Variants in IL17RB observed in about 807,000 individuals in gnomAD.
IL17RB encodes interleukin 17 receptor B.
Under a neutral mutation model 43.9 loss-of-function variants are expected in IL17RB, and 36 were observed. The observed-to-expected ratio is 0.82, with a 90% confidence interval of 0.63 to 1.08. IL17RB has a LOEUF of 1.08. Ranked by LOEUF, IL17RB falls within the 50% of genes least tolerant of loss-of-function variation. The pLI is 0.00. For synonymous variants in IL17RB, 225 were observed against 225.4 expected, an observed-to-expected ratio of 1.00 and a Z score of 0.02; for missense variants, 613 against 613.6, an observed-to-expected ratio of 1.00 and a Z score of 0.01.
chr3:53,852,993 A>G lies in IL17RB; in HGVS notation c.477A>G (p.Ser159=). The G allele has an allele frequency of 6.2e-7, 1 of 1,614,016 alleles. No individual in the cohort carries two copies. The highest frequency in any genetic ancestry group is 8.5e-7 in the Non-Finnish European group (1 of 1,179,932). Residue 159 remains serine (S), a synonymous_variant, in exon 5 of 11, where the codon TCA becomes TCG. Coordinates refer to ENST00000288167, the MANE Select transcript of IL17RB (RefSeq NM_018725.4). Reference sequence around the variant, plus strand: ...CTTCCATGTCTGTGAATTTCACCTCACCAGGTAAACTTCCTCATTTGTTTA... The same window carrying G: ...CTTCCATGTCTGTGAATTTCACCTCGCCAGGTAAACTTCCTCATTTGTTTA... ...DGPSMSVNFT[S]PGCLDHIMKY...
At chr3:53,852,517 C>T (rs1448474278) in intron 4 of IL17RB, among the ~76,000 whole-genome samples, 1 of 152,164 alleles carries the variant, frequency 6.6e-6, no homozygotes, top group Non-Finnish European at 1.5e-5. Flanking sequence ...GCTGCTCACA[C>T]GGGCTGGTAA....
rs757233449 is a variant in IL17RB, at chr3:53,846,604, C to G, written c.16C>G (p.Leu6Val). Reference sequence around the variant, plus strand: ...TGGCCCGGCGATGTCGCTCGTGCTGCTAAGCCTGGCCGCGCTGTGCAGGAG... The same window carrying G: ...TGGCCCGGCGATGTCGCTCGTGCTGGTAAGCCTGGCCGCGCTGTGCAGGAG... MSLVL[L>V]SLAALCRSAV... Residue 6 changes from leucine (L) to valine (V), a missense_variant, in exon 1 of 11, where the codon CTA (leucine) becomes GTA (valine). Leu to Val is a conservative substitution (Grantham distance 32). Transcript: ENST00000288167. The G allele has an allele frequency of 2.5e-6, 4 of 1,590,338 alleles. No individual in the cohort carries two copies. Among genetic ancestry groups the G allele is most frequent in the Non-Finnish European group, 3.4e-6 (4 of 1,172,252 alleles).
intron 3 of IL17RB, among the ~76,000 whole-genome samples, chr3:53,851,427 AG>A (rs1312267760): frequency 2.0e-5 from 3 of 152,286 alleles, no homozygotes; most frequent in African/African-American, 7.2e-5. Flanking sequence ...TGTGGCCATA[AG>A]GGTTTGGGCC....
chr3:53,863,205 G>A (rs999320150), intron 10 of IL17RB, among the ~76,000 whole-genome samples: 1 of 152,184 alleles, frequency 6.6e-6, no homozygotes, highest in African/African-American at 2.4e-5. Context: ...GTCAACAGTA[G>A]GCTATTAGAA....
At chr3:53,856,350 G>A (rs1255285555) in intron 6 of IL17RB, among the ~76,000 whole-genome samples, 1 of 152,178 alleles carries the variant, frequency 6.6e-6, no homozygotes, top group East Asian at 1.9e-4. Flanking sequence ...TCTAAGCTAC[G>A]AGCCATTTCC....
rs533679291 is a variant in IL17RB at position 53,863,568 on chromosome 3, T to C, written c.947-1178T>C. 9.2e-5 allele frequency among the ~76,000 whole-genome samples: 14 copies of C among 152,374 alleles called. No homozygotes were observed. The East Asian group carries it at 2.5e-3, about 27-fold the overall frequency. On this transcript the variant is annotated intron_variant, in intron 10 of 10. Transcript: ENST00000288167. ...ATTTAGGGATGCTGTCTGACCTGTA[T>C]TCGTTACAGTAGTTTCAAACATGGT... is the stretch of plus-strand genomic sequence containing the variant.
At chr3:53,847,240 C>T (rs1281874489) in intron 1 of IL17RB, among the ~76,000 whole-genome samples, 2 of 152,176 alleles carry the variant, frequency 1.3e-5, no homozygotes, top group African/African-American at 2.4e-5. Context: ...TAGCATCAAG[C>T]TCCGTAGTCA....
In IL17RB at chr3:53,848,708, G is replaced by A. The variant is rs768173205; in HGVS notation, c.85+20G>A. 3 of 1,613,462 alleles carry A rather than the reference G, an allele frequency of 1.9e-6. No homozygotes were observed. The highest frequency in any genetic ancestry group is 2.5e-6 in the Non-Finnish European group (3 of 1,179,452). On this transcript the variant is annotated intron_variant, in intron 2 of 10. Coordinates refer to ENST00000288167, the MANE Select transcript of IL17RB (RefSeq NM_018725.4). ...AAACTGGTAGGTGCATTAGAGAATG[G>A]GTATTTGGGGCTTTACATTGAAAGC...
chr3:53,864,091 G>A (rs541990439), intron 10 of IL17RB, among the ~76,000 whole-genome samples: 6 of 152,198 alleles, frequency 3.9e-5, no homozygotes, highest in African/African-American at 1.4e-4. Context: ...CCAAAGTGCT[G>A]GGATTCCTGG....
chr3:53,865,262 C>A lies in IL17RB; in HGVS notation c.1463C>A (p.Ala488Glu). ...ELLHVKQQVS[A>E]GKRSQACHDG... ...CTCCATGTCAAGCAGCAGGTGTCAGCAGGAAAAAGATCACAAGCCTGCCAC... is the reference window on the plus strand; with the variant it reads ...CTCCATGTCAAGCAGCAGGTGTCAGAAGGAAAAAGATCACAAGCCTGCCAC... Residue 488 changes from alanine to glutamate, a missense_variant, in exon 11 of 11, where the codon GCA (alanine) becomes GAA (glutamate). Physicochemically the swap from Ala to Glu is moderately radical, Grantham distance 107. Transcript: ENST00000288167. 6.2e-7 allele frequency: 1 copy of A among 1,611,160 alleles called. No individual in the cohort carries two copies. The highest frequency in any genetic ancestry group is 8.5e-7 in the Non-Finnish European group (1 of 1,179,992).
At chr3:53,850,575 G>A (rs1043860095) in intron 3 of IL17RB, among the ~76,000 whole-genome samples, 4 of 151,498 alleles carry the variant, frequency 2.6e-5, no homozygotes, top group South Asian at 4.2e-4. Flanking sequence ...AGGCCAAGGC[G>A]GGTAGATTAC....
At position 53,849,770 on chromosome 3, in the gene IL17RB, T is replaced by A. The variant is rs142019016; in HGVS notation, c.201T>A (p.Asn67Lys). 1 of 1,609,236 alleles carries A rather than the reference T, an allele frequency of 6.2e-7. No homozygotes were observed. Among genetic ancestry groups the A allele is most frequent in the East Asian group, 2.2e-5 (1 of 44,690 alleles). The change falls in exon 3 of 11, where the codon AAT becomes AAA. Residue 67 changes from asparagine to lysine, a missense_variant. Transcript: ENST00000288167. Reference protein sequence around the residue: ...VATGDYSILMNVSWVLRADAS... With the variant: ...VATGDYSILMKVSWVLRADAS... Reference sequence around the variant, plus strand: ...CAGGGGACTATTCAATTTTGATGAATGTAAGCTGGGTACTCCGGGCAGATG... The same window carrying A: ...CAGGGGACTATTCAATTTTGATGAAAGTAAGCTGGGTACTCCGGGCAGATG...
intron 2 of IL17RB, among the ~76,000 whole-genome samples, chr3:53,848,930 G>T (rs945174283): frequency 6.6e-6 from 1 of 152,238 alleles, no homozygotes; most frequent in African/African-American, 2.4e-5. Context: ...GCCATACAAG[G>T]TGGAAAGTGA....
intron 5 of IL17RB, 56 bp downstream of exon 5, chr3:53,853,053 A>G: frequency 1.2e-6 from 2 of 1,606,650 alleles, no homozygotes. Flanking sequence ...CTGCTTTGCG[A>G]TATGCACAGA....
intron 10 of IL17RB, 22 bp downstream of exon 10, chr3:53,860,250 A>G: frequency 6.4e-7 from 1 of 1,561,008 alleles, no homozygotes; most frequent in Non-Finnish European, 8.8e-7. Flanking sequence ...AATTCTTTAA[A>G]GACATCCTAG....
chr3:53,863,920 T>G (rs957334451), intron 10 of IL17RB, among the ~76,000 whole-genome samples: 1 of 151,086 alleles, frequency 6.6e-6, no homozygotes, highest in Non-Finnish European at 1.5e-5. Flanking sequence ...CCTCCTGAGC[T>G]CAAGTGAACC....
intron 9 of IL17RB, 163 bp from the exon 10 acceptor site, chr3:53,859,967 G>A (rs3733077): frequency 0.045 from 23,342 of 524,378 alleles, 968 homozygotes; most frequent in East Asian, 0.14. Flanking sequence ...CCGAGATTGC[G>A]CCACTGCACT....
chr3:53,849,592 A>G (rs913148119), intron 2 of IL17RB, 63 bp from the exon 3 acceptor site: 2 of 1,427,154 alleles, frequency 1.4e-6, no homozygotes, highest in Non-Finnish European at 1.9e-6. Context: ...CACTGAGAGG[A>G]GATGGCATGG....
intron 10 of IL17RB, 57 bp downstream of exon 10, chr3:53,860,285 T>C: frequency 6.9e-7 from 1 of 1,453,560 alleles, no homozygotes; most frequent in Non-Finnish European, 9.5e-7. Flanking sequence ...TTTGAATTTT[T>C]TTTTAAAGAA....
Sources: allele counts gnomAD v4.1 joint callset (sites outside exome capture counted in the v4.1 genomes callset), GRCh38; gene constraint gnomAD v4.1.1; transcripts MANE v1.5; gene names NCBI Gene and HGNC (gene_info 2026-07-23, HGNC 2026-07-21).